Variants in DISC1 observed in about 807,000 individuals in gnomAD.
The protein encoded by DISC1 is disrupted in schizophrenia 1 protein.
DISC1 carries 57 observed loss-of-function variants against 84.5 expected under a neutral mutation model. That is an observed-to-expected ratio of 0.67 (90% confidence interval 0.55 to 0.84). DISC1 has a LOEUF of 0.84. DISC1 is among the 40% of genes least tolerant of loss of function. DISC1 has a pLI of 0.00. For synonymous variants in DISC1, 411 were observed against 415.2 expected, an observed-to-expected ratio of 0.99 and a Z score of 0.12; for missense variants, 1,000 against 1,057.8, an observed-to-expected ratio of 0.95 and a Z score of 0.76.
At chr1:231,801,798 C>G (rs920475882) in intron 8 of DISC1, among the ~76,000 whole-genome samples, 2 of 151,784 alleles carry the variant, frequency 1.3e-5, no homozygotes, top group Non-Finnish European at 2.9e-5. Flanking sequence ...TCTTAAAAGC[C>G]CTATTGAATG....
chr1:231,718,033 G>C (rs1328480044), intron 3 of DISC1, among the ~76,000 whole-genome samples: 1 of 152,100 alleles, frequency 6.6e-6, no homozygotes, highest in Admixed American at 6.6e-5. Flanking sequence ...AAAAAAGCCT[G>C]TGGGTCATTG....
chr1:231,885,346 AG>A (rs2086606580), intron 9 of DISC1, among the ~76,000 whole-genome samples: 1 of 152,214 alleles, frequency 6.6e-6, no homozygotes, highest in Non-Finnish European at 1.5e-5. Context: ...ACAGGACCAC[AG>A]AAGTTTTGAA....
intron 9 of DISC1, chr1:231,855,269 T>G: frequency 1.0e-6 from 1 of 957,944 alleles, no homozygotes; most frequent in Non-Finnish European, 1.2e-6. Context: ...GTCTCATAAA[T>G]AACTTTCTAT....
intron 9 of DISC1, among the ~76,000 whole-genome samples, chr1:231,948,461 G>T (rs1043382991): frequency 2.0e-5 from 3 of 152,110 alleles, no homozygotes; most frequent in Admixed American, 2.0e-4. Context: ...GTCGGGTGGT[G>T]GGGGGCTCGG....
intron 3 of DISC1, among the ~76,000 whole-genome samples, chr1:231,704,497 C>G (rs188434223): frequency 6.6e-6 from 1 of 152,272 alleles, no homozygotes; most frequent in African/African-American, 2.4e-5. Context: ...TGGCTCATGC[C>G]TATAATCCCA....
intron 9 of DISC1, among the ~76,000 whole-genome samples, chr1:231,886,194 G>A (rs996611790): frequency 1.3e-5 from 2 of 152,132 alleles, no homozygotes; most frequent in Non-Finnish European, 2.9e-5. Flanking sequence ...CTGCCACATT[G>A]GGGATCAGAT....
chr1:231,978,873 A>G (rs1259776473), intron 10 of DISC1, among the ~76,000 whole-genome samples: 2 of 152,222 alleles, frequency 1.3e-5, no homozygotes, highest in South Asian at 2.1e-4. Flanking sequence ...CCTGTAGATC[A>G]GGGGTCTCCA....
chr1:231,936,363 C>T (rs2090981486), intron 9 of DISC1, among the ~76,000 whole-genome samples: 1 of 152,166 alleles, frequency 6.6e-6, no homozygotes, highest in African/African-American at 2.4e-5. Context: ...GCTGCCCCTG[C>T]TCTAGGCTGG....
intron 9 of DISC1, among the ~76,000 whole-genome samples, chr1:231,921,808 C>CTTTT (rs11288115): frequency 5.0e-5 from 6 of 120,216 alleles, no homozygotes; most frequent in South Asian, 2.7e-4. Flanking sequence ...CACTAGTTAC[C>CTTTT]TTTTTTTTTT....
At chr1:231,767,307 T>G (rs1280681030) in intron 5 of DISC1, 38 bp downstream of exon 5, 1 of 1,613,142 alleles carries the variant, frequency 6.2e-7, no homozygotes, top group East Asian at 2.2e-5. Context: ...TATGATGGCA[T>G]TTTTCTTTTC....
chr1:231,860,152 C>T (rs1442735731), intron 9 of DISC1, among the ~76,000 whole-genome samples: 3 of 152,174 alleles, frequency 2.0e-5, no homozygotes, highest in African/African-American at 4.8e-5. Context: ...AGTAAATTAA[C>T]TCTAAATAGT....
chr1:231,981,585 G>C (rs941018415), intron 10 of DISC1, among the ~76,000 whole-genome samples: 1 of 152,208 alleles, frequency 6.6e-6, no homozygotes, highest in Non-Finnish European at 1.5e-5. Flanking sequence ...TTGATAAGAT[G>C]AAGAAATGAA....
In DISC1 at chr1:231,800,114, A is replaced by G. The variant is rs751969064; in HGVS notation, c.1696A>G (p.Met566Val). ...GTCATTTCTCTCCCCCTAGGTGTGTATGAGTGAGAAATTCTGCAGCACCCT... is the reference window on the plus strand; with the variant it reads ...GTCATTTCTCTCCCCCTAGGTGTGTGTGAGTGAGAAATTCTGCAGCACCCT... Reference protein sequence around the residue: ...SLKEITTKVCMSEKFCSTLRK... With the variant: ...SLKEITTKVCVSEKFCSTLRK... The change falls in exon 8 of 13, where the codon ATG (methionine) becomes GTG (valine). Residue 566 changes from methionine (M) to valine (V), a missense_variant. This residue lies in a region of DISC1 where 397 missense variants were observed against 377.5 expected (regional missense o/e 1.05). Coordinates refer to ENST00000439617, the MANE Select transcript of DISC1 (RefSeq NM_018662.3). 1 of 1,609,816 alleles carries G rather than the reference A, an allele frequency of 6.2e-7. No individual in the cohort carries two copies. Among genetic ancestry groups the G allele is most frequent in the Non-Finnish European group, 8.5e-7 (1 of 1,178,602 alleles).
chr1:231,912,870 C>A (rs1382260674), intron 9 of DISC1, among the ~76,000 whole-genome samples: 1 of 147,600 alleles, frequency 6.8e-6, no homozygotes, highest in Non-Finnish European at 1.5e-5. Flanking sequence ...TCCTTCTTTC[C>A]TTCCTTCCTT....
In DISC1 at chr1:231,639,262, A is replaced by G. The variant is rs961539357; in HGVS notation, c.67+12328A>G. 6.6e-5 allele frequency among the ~76,000 whole-genome samples: 10 copies of G among 152,354 alleles called. No homozygotes were observed. The South Asian group carries it at 2.1e-3, about 32-fold the overall frequency. On this transcript the variant is annotated intron_variant, in intron 1 of 12. Coordinates refer to ENST00000439617, the MANE Select transcript of DISC1 (RefSeq NM_018662.3). ...AAAATCTCTAAAGGAGCCTCCATCT[A>G]CACATTTCGTGAGAGAAAAATGTCC...
At chr1:231,969,006 G>A (rs989161784) in intron 10 of DISC1, among the ~76,000 whole-genome samples, 3 of 152,092 alleles carry the variant, frequency 2.0e-5, no homozygotes, top group Admixed American at 1.3e-4. Flanking sequence ...AGGAATTATG[G>A]CACCATGGAA....
At chr1:231,684,382 C>T (rs1227036791) in intron 1 of DISC1, among the ~76,000 whole-genome samples, 2 of 152,062 alleles carry the variant, frequency 1.3e-5, no homozygotes, top group African/African-American at 4.8e-5. Flanking sequence ...TATAATTACA[C>T]ATAGGTTTTA....
chr1:231,986,212 C>A (rs1306661784), intron 10 of DISC1, among the ~76,000 whole-genome samples: 1 of 152,196 alleles, frequency 6.6e-6, no homozygotes, highest in Admixed American at 6.5e-5. Flanking sequence ...TTCACCCCTC[C>A]CTGTCCCCAG....
intron 9 of DISC1, among the ~76,000 whole-genome samples, chr1:231,819,608 G>A (rs2759340): frequency 0.52 from 79,404 of 151,804 alleles, 21,155 homozygotes; most frequent in Admixed American, 0.57. Flanking sequence ...TGTTTTTGCC[G>A]TATATGTAAC....
Sources: allele counts gnomAD v4.1 joint callset (sites outside exome capture counted in the v4.1 genomes callset), GRCh38; gene constraint gnomAD v4.1.1; regional missense constraint gnomAD v4.1.1; transcripts MANE v1.5; gene names NCBI Gene and HGNC (gene_info 2026-07-23, HGNC 2026-07-21).